Variants in ZNF391 observed in about 807,000 individuals in gnomAD.
ZNF391 encodes the protein zinc finger protein 391.
For missense variants in ZNF391, 375 were observed against 425.5 expected (o/e 0.88, Z 1.04); for synonymous variants, 126 against 142.1 (o/e 0.89, Z 0.80).
At chr6:27,375,968 T>C (rs1377871413) in intron 1 of ZNF391, among the ~76,000 whole-genome samples, 1 of 152,228 alleles carries the variant, frequency 6.6e-6, no homozygotes, top group African/African-American at 2.4e-5. Context: ...AATTGGTTAC[T>C]TCGGGTTCGC....
At chr6:27,381,556 C>A (rs1182545070) in intron 1 of ZNF391, among the ~76,000 whole-genome samples, 1 of 152,224 alleles carries the variant, frequency 6.6e-6, no homozygotes, top group Non-Finnish European at 1.5e-5. Context: ...AAGTGGGAGC[C>A]CAGGCAGAGG....
chr6:27,385,346 C>T (rs1581526913), upstream of ZNF391, among the ~76,000 whole-genome samples: 1 of 152,218 alleles, frequency 6.6e-6, no homozygotes, highest in African/African-American at 2.4e-5. Context: ...GGTCTAAATG[C>T]ACCATTTTAA....
At chr6:27,385,101 C>T (rs972369009), upstream of ZNF391, among the ~76,000 whole-genome samples, 2 of 151,662 alleles carry the variant, frequency 1.3e-5, no homozygotes, top group Admixed American at 6.6e-5. Flanking sequence ...AGAGTGGACT[C>T]AGATTAGTTG....
chr6:27,389,938 A>C (rs200437509), intron 1 of ZNF391, among the ~76,000 whole-genome samples: 2 of 151,770 alleles, frequency 1.3e-5, no homozygotes, highest in African/African-American at 4.8e-5. Flanking sequence ...ACTGTGGATC[A>C]TTGAGTTTGT....
At chr6:27,389,536 G>C (rs913894067) in intron 1 of ZNF391, 4 of 428,704 alleles carry the variant, frequency 9.3e-6, no homozygotes, top group African/African-American at 4.2e-5. Flanking sequence ...GCTTGGCCGG[G>C]CGCAGTGGCT....
At chr6:27,386,533 T>C (rs1761584674), upstream of ZNF391, among the ~76,000 whole-genome samples, 1 of 151,726 alleles carries the variant, frequency 6.6e-6, no homozygotes, top group Admixed American at 6.6e-5. Context: ...ACCTAAAGAG[T>C]GTGGTGCTGG....
chr6:27,382,303 G>A (rs1306815133), intron 1 of ZNF391, among the ~76,000 whole-genome samples: 1 of 151,422 alleles, frequency 6.6e-6, no homozygotes, highest in Non-Finnish European at 1.5e-5. Context: ...GCAGTGAGCT[G>A]AGACAGCGCC....
chr6:27,384,941 G>A (rs796324948), upstream of ZNF391, among the ~76,000 whole-genome samples: 6 of 151,910 alleles, frequency 3.9e-5, no homozygotes, highest in South Asian at 4.2e-4. Context: ...GCCTGAACAC[G>A]GGAGGTGGAG....
chr6:27,396,797 T>C (rs967240203), intron 1 of ZNF391, among the ~76,000 whole-genome samples: 1 of 152,230 alleles, frequency 6.6e-6, no homozygotes, highest in African/African-American at 2.4e-5. Flanking sequence ...CAAAATACTT[T>C]GTATGTATGC....
At position 27,401,365 on chromosome 6, in the gene ZNF391, C is replaced by T. The variant is rs535610155; in HGVS notation, c.995C>T (p.Pro332Leu). The T allele has an allele frequency of 4.8e-5, 77 of 1,613,916 alleles. No individual in the cohort carries two copies. Among genetic ancestry groups the T allele is most frequent in the Middle Eastern group, 3.3e-4 (2 of 6,062 alleles). Residue 332 changes from proline to leucine, a missense_variant, in exon 3 of 3, where the codon CCG becomes CTG. Physicochemically the swap from Pro to Leu is moderately conservative, Grantham distance 98. Transcript: ENST00000244576. Reference protein sequence around the residue: ...IHQRTHTGEKPYKCNDCGKAF... With the variant: ...IHQRTHTGEKLYKCNDCGKAF... ...CAGAGAACTCATACCGGGGAGAAGC[C>T]GTACAAATGTAATGACTGTGGAAAA...
At chr6:27,383,942 AAG>A (rs1246617475), upstream of ZNF391, among the ~76,000 whole-genome samples, 1 of 152,182 alleles carries the variant, frequency 6.6e-6, no homozygotes, top group East Asian at 1.9e-4. Context: ...TGCAAACAAG[AAG>A]AGAGTGGAGT....
chr6:27,377,913 C>T (rs921697336), intron 1 of ZNF391, among the ~76,000 whole-genome samples: 4 of 152,152 alleles, frequency 2.6e-5, no homozygotes, highest in Non-Finnish European at 5.9e-5. Context: ...AATATATATA[C>T]ACATATATGT....
At chr6:27,384,463 C>CA (rs149396774), upstream of ZNF391, among the ~76,000 whole-genome samples, 2,275 of 121,338 alleles carry the variant, frequency 0.019, 21 homozygotes, top group African/African-American at 0.035. Context: ...GACTCTATCT[C>CA]AAAAAAAAAA....
chr6:27,396,303 C>T (rs534408353), intron 1 of ZNF391, among the ~76,000 whole-genome samples: 2 of 152,170 alleles, frequency 1.3e-5, no homozygotes, highest in African/African-American at 2.4e-5. Context: ...GATGCTTACA[C>T]CTATTAGAAT....
chr6:27,393,700 T>G lies in ZNF391; in HGVS notation c.-188+4625T>G, dbSNP rs571535980. On this transcript the variant is annotated intron_variant, in intron 1 of 2. Transcript: ENST00000244576. Reference sequence around the variant, plus strand: ...GGGAAGATGAGGGAAAGTTTAGAATTTCTTAGAGACTGGTTAAATGTTTGT... The same window carrying G: ...GGGAAGATGAGGGAAAGTTTAGAATGTCTTAGAGACTGGTTAAATGTTTGT... Among the ~76,000 whole-genome samples, 9 of 152,290 alleles carry G rather than the reference T, an allele frequency of 5.9e-5. No homozygotes were observed. In the South Asian group the frequency reaches 1.9e-3, roughly 32 times the overall value.
chr6:27,375,356 T>C (rs1024789292), intron 1 of ZNF391, among the ~76,000 whole-genome samples: 1 of 152,200 alleles, frequency 6.6e-6, no homozygotes, highest in Non-Finnish European at 1.5e-5. Flanking sequence ...GCATGGCGGC[T>C]GGAGAGTCTG....
upstream of ZNF391, among the ~76,000 whole-genome samples, chr6:27,388,119 T>G (rs1222101775): frequency 3.9e-5 from 6 of 152,272 alleles, no homozygotes. Flanking sequence ...CTCCTTTATG[T>G]TTTCCATTAA....
In ZNF391 at chr6:27,401,415, A is replaced by G; in HGVS notation, c.1045A>G (p.Ile349Val). 1 of 1,610,980 alleles carries G rather than the reference A, an allele frequency of 6.2e-7. No individual in the cohort carries two copies. Among genetic ancestry groups the G allele is most frequent in the Non-Finnish European group, 8.5e-7 (1 of 1,179,774 alleles). ...GKAFCQSSTL[I>V]RHQHLHTKE ...AGCCTTCTGTCAGAGTTCAACTCTG[A>G]TCAGACATCAGCACCTTCATACTAA... is the stretch of plus-strand genomic sequence containing the variant. Residue 349 changes from isoleucine (I) to valine (V), a missense_variant, in exon 3 of 3, where the codon ATC becomes GTC. Ile to Val is a conservative substitution (Grantham distance 29, BLOSUM62 3). Transcript: ENST00000244576.
chr6:27,390,362 G>A (rs1472407191), intron 1 of ZNF391, among the ~76,000 whole-genome samples: 2 of 152,204 alleles, frequency 1.3e-5, no homozygotes, highest in East Asian at 3.9e-4. Context: ...GCTGCAGCAT[G>A]TTGTGACCAC....
Sources: gnomAD v4.1 joint callset for allele counts (sites outside exome capture counted in the v4.1 genomes callset) on GRCh38, gnomAD v4.1.1 for gene constraint, MANE v1.5 for transcripts, NCBI Gene and HGNC (gene_info 2026-07-23, HGNC 2026-07-21) for gene names.